Variants in LRP1B observed in about 807,000 individuals in gnomAD.
LRP1B encodes the protein LDL receptor related protein 1B, also known as low-density lipoprotein receptor-related protein 1B.
In LRP1B, 217 loss-of-function variants were observed where a neutral mutation model predicts 556.6. The ratio of observed to expected loss-of-function variants is 0.39; its 90% CI spans 0.35 to 0.44. LRP1B has a LOEUF of 0.44. Ranked by LOEUF, LRP1B falls within the 20% of genes least tolerant of loss-of-function variation. The pLI is 1.00. For missense variants in LRP1B, 5,053 were observed against 5,620.8 expected (o/e 0.90, Z 3.23); for synonymous variants, 2,047 against 1,865.8 (o/e 1.10, Z -2.50).
At chr2:141,085,076 A>G (rs1356209491) in intron 7 of LRP1B, among the ~76,000 whole-genome samples, 1 of 145,142 alleles carries the variant, frequency 6.9e-6, no homozygotes, top group African/African-American at 2.5e-5. Context: ...TTCTAGACTC[A>G]CCAATTGTTA....
At chr2:141,462,087 T>C (rs1017988858) in intron 3 of LRP1B, among the ~76,000 whole-genome samples, 2 of 152,192 alleles carry the variant, frequency 1.3e-5, no homozygotes, top group Admixed American at 6.5e-5. Flanking sequence ...ATAAAGTTGG[T>C]ATAAATCAAT....
At chr2:141,829,715 A>G (rs559522539) in intron 1 of LRP1B, among the ~76,000 whole-genome samples, 3 of 152,058 alleles carry the variant, frequency 2.0e-5, no homozygotes, top group African/African-American at 7.2e-5. Flanking sequence ...ACCTCCCCCA[A>G]TAGGATTTGG....
intron 1 of LRP1B, among the ~76,000 whole-genome samples, chr2:141,884,036 C>T (rs1250576023): frequency 6.6e-6 from 1 of 152,088 alleles, no homozygotes; most frequent in Non-Finnish European, 1.5e-5. Context: ...TTATATTTTG[C>T]ATTTGTAATA....
intron 41 of LRP1B, among the ~76,000 whole-genome samples, chr2:140,609,750 T>C (rs1683001935): frequency 6.6e-6 from 1 of 152,192 alleles, no homozygotes; most frequent in Non-Finnish European, 1.5e-5. Context: ...TGTTTTCCCT[T>C]TCCACACTGA....
intron 2 of LRP1B, among the ~76,000 whole-genome samples, chr2:141,751,822 GAATAT>G (rs1313899368): frequency 2.0e-5 from 3 of 150,258 alleles, no homozygotes; most frequent in East Asian, 1.9e-4. Flanking sequence ...TGAAAATTAA[GAATAT>G]AATAGTTTCA....
chr2:140,615,668 G>A (rs1426208584), intron 41 of LRP1B, among the ~76,000 whole-genome samples: 1 of 152,038 alleles, frequency 6.6e-6, no homozygotes, highest in African/African-American at 2.4e-5. Flanking sequence ...CTATTAGAGT[G>A]AAATACGTAT....
intron 3 of LRP1B, among the ~76,000 whole-genome samples, chr2:141,273,327 A>G (rs1167085935): frequency 6.6e-6 from 1 of 152,126 alleles, no homozygotes; most frequent in Non-Finnish European, 1.5e-5. Flanking sequence ...AAAGGAAGAA[A>G]AACGTACTAC....
At chr2:140,890,643 T>C (rs1693771289) in intron 23 of LRP1B, among the ~76,000 whole-genome samples, 1 of 152,058 alleles carries the variant, frequency 6.6e-6, no homozygotes, top group Non-Finnish European at 1.5e-5. Context: ...AATGATTTTC[T>C]ATTTGAACTC....
intron 10 of LRP1B, among the ~76,000 whole-genome samples, chr2:141,052,359 T>C (rs1418474955): frequency 1.3e-5 from 2 of 152,064 alleles, no homozygotes; most frequent in Non-Finnish European, 2.9e-5. Context: ...AATTGGGATC[T>C]TGTATATAAA....
intron 66 of LRP1B, among the ~76,000 whole-genome samples, chr2:140,389,215 G>A (rs1683901795): frequency 6.6e-6 from 1 of 152,020 alleles, no homozygotes; most frequent in Non-Finnish European, 1.5e-5. Context: ...AAGGTAATAT[G>A]AGAGACCTTT....
chr2:141,983,651 T>C (rs1278015338), intron 1 of LRP1B, among the ~76,000 whole-genome samples: 1 of 152,190 alleles, frequency 6.6e-6, no homozygotes, highest in Non-Finnish European at 1.5e-5. Context: ...AGTGAAAATC[T>C]ATAAAAGTTT....
At chr2:141,787,008 A>G (rs1360820586) in intron 2 of LRP1B, among the ~76,000 whole-genome samples, 1 of 151,866 alleles carries the variant, frequency 6.6e-6, no homozygotes, top group African/African-American at 2.4e-5. Context: ...TCATGTTACA[A>G]TGTTATGCAT....
At chr2:140,921,048 A>G (rs1446943364) in intron 21 of LRP1B, among the ~76,000 whole-genome samples, 1 of 152,026 alleles carries the variant, frequency 6.6e-6, no homozygotes, top group African/African-American at 2.4e-5. Context: ...TTTAAAATAA[A>G]TTACAAGCAC....
At chr2:140,620,584 T>A (rs1366972823) in intron 41 of LRP1B, among the ~76,000 whole-genome samples, 1 of 152,164 alleles carries the variant, frequency 6.6e-6, no homozygotes, top group Non-Finnish European at 1.5e-5. Flanking sequence ...AAAATATGCT[T>A]AAGTTTTTCT....
intron 2 of LRP1B, among the ~76,000 whole-genome samples, chr2:141,620,080 G>C (rs1414788759): frequency 6.6e-6 from 1 of 152,130 alleles, no homozygotes; most frequent in Non-Finnish European, 1.5e-5. Context: ...GGCCTCCTGA[G>C]TAGCTGGAAT....
chr2:142,088,121 A>C (rs1706015062), intron 1 of LRP1B, among the ~76,000 whole-genome samples: 1 of 152,120 alleles, frequency 6.6e-6, no homozygotes. Context: ...ATATCTATAT[A>C]TCTGTTTCCA....
chr2:140,681,528 C>T (rs1192036818), intron 41 of LRP1B, among the ~76,000 whole-genome samples: 6 of 151,980 alleles, frequency 3.9e-5, no homozygotes, highest in African/African-American at 7.2e-5. Flanking sequence ...AAAATGATAG[C>T]GCTTTTAATA....
At chr2:141,329,593 A>G (rs1687559351) in intron 3 of LRP1B, among the ~76,000 whole-genome samples, 2 of 148,880 alleles carry the variant, frequency 1.3e-5, no homozygotes, top group African/African-American at 4.9e-5. Context: ...GCAGTGAGCC[A>G]AGATTGCGCC....
chr2:141,474,610 G>T (rs1392237837), intron 3 of LRP1B, among the ~76,000 whole-genome samples: 2 of 152,152 alleles, frequency 1.3e-5, no homozygotes, highest in Non-Finnish European at 2.9e-5. Flanking sequence ...GGAAAGTAAA[G>T]TAAAATAATC....
Sources: allele counts gnomAD v4.1 joint callset (sites outside exome capture counted in the v4.1 genomes callset), GRCh38; gene constraint gnomAD v4.1.1; transcripts MANE v1.5; gene names NCBI Gene and HGNC (gene_info 2026-07-23, HGNC 2026-07-21).